Variants in BIK observed in about 807,000 individuals in gnomAD.
BIK encodes BCL2 interacting killer, also known as bcl-2-interacting killer.
In BIK, 14 loss-of-function variants were observed where a neutral mutation model predicts 12.1. The ratio of observed to expected loss-of-function variants is 1.16; its 90% CI spans 0.77 to 1.81. BIK has a LOEUF of 1.81. Ranked by LOEUF, BIK falls within the 40% of genes most tolerant of loss-of-function variation. BIK has a pLI of 0.00. For missense variants in BIK, 215 were observed against 207.9 expected (o/e 1.03, Z -0.21); for synonymous variants, 86 against 92.3 (o/e 0.93, Z 0.39).
intron 1 of BIK, among the ~76,000 whole-genome samples, chr22:43,113,712 C>T (rs1366857784): frequency 6.6e-6 from 1 of 152,210 alleles, no homozygotes; most frequent in Non-Finnish European, 1.5e-5. Flanking sequence ...GACACCACTG[C>T]TGGTGGTATT....
intron 1 of BIK, among the ~76,000 whole-genome samples, chr22:43,121,203 C>T (rs1265876109): frequency 6.6e-6 from 1 of 152,052 alleles, no homozygotes; most frequent in African/African-American, 2.4e-5. Context: ...AACAAAAAAA[C>T]ACTACCACCA....
chr22:43,129,578 T>C lies in BIK; in HGVS notation c.*273T>C, dbSNP rs1930399837. Reference sequence around the variant, plus strand: ...GTGCCCAGGAAGAGCCATTCACTCCTGCCCCTGCCCACACGGCAGGTAGCA... The same window carrying C: ...GTGCCCAGGAAGAGCCATTCACTCCCGCCCCTGCCCACACGGCAGGTAGCA... On this transcript the variant is annotated 3_prime_UTR_variant, in exon 5 of 5. Coordinates refer to ENST00000216115, the MANE Select transcript of BIK (RefSeq NM_001197.5). 7 of 524,548 alleles carry C rather than the reference T, an allele frequency of 1.3e-5. No individual in the cohort carries two copies. The highest frequency in any genetic ancestry group is 2.3e-5 in the Non-Finnish European group (7 of 304,572). 32.5% of individuals were successfully genotyped at this position (524,548 alleles called of 1,614,324 possible).
At chr22:43,120,654 G>T (rs1481756674) in intron 1 of BIK, among the ~76,000 whole-genome samples, 1 of 152,190 alleles carries the variant, frequency 6.6e-6, no homozygotes. Flanking sequence ...TGGTGGGGTG[G>T]CCAGGAGAGA....
intron 1 of BIK, among the ~76,000 whole-genome samples, chr22:43,118,185 C>G (rs776687866): frequency 6.6e-6 from 1 of 151,960 alleles, no homozygotes; most frequent in Non-Finnish European, 1.5e-5. Context: ...GGGATGCATC[C>G]CTAGAAATCA....
chr22:43,114,249 C>G (rs927167983), intron 1 of BIK, among the ~76,000 whole-genome samples: 1 of 152,108 alleles, frequency 6.6e-6, no homozygotes, highest in African/African-American at 2.4e-5. Context: ...GAAAAGCTCA[C>G]TTGTTTATTT....
intron 1 of BIK, among the ~76,000 whole-genome samples, chr22:43,114,396 G>A (rs777915708): frequency 3.9e-5 from 6 of 152,002 alleles, no homozygotes; most frequent in Non-Finnish European, 7.4e-5. Context: ...TCTGCCTCCC[G>A]GGTTCAGGTG....
chr22:43,116,059 GA>G (rs1930107774), intron 1 of BIK, among the ~76,000 whole-genome samples: 1 of 152,074 alleles, frequency 6.6e-6, no homozygotes, highest in South Asian at 2.1e-4. Context: ...CCCCGGCCCA[GA>G]ACTTGTTTTA....
In BIK at chr22:43,129,610, G is replaced by A. The variant is rs886365447; in HGVS notation, c.*305G>A. On this transcript the variant is annotated 3_prime_UTR_variant, in exon 5 of 5. Coordinates refer to ENST00000216115, the MANE Select transcript of BIK (RefSeq NM_001197.5). ...GCCCACACGGCAGGTAGCAGGGGGA[G>A]TGCTGGTCACACCCCTGTGTGATAT... 3.0e-5 allele frequency: 14 copies of A among 462,802 alleles called. No homozygotes were observed. Among genetic ancestry groups the A allele is most frequent in the South Asian group, 5.3e-5 (2 of 37,944 alleles). The allele number at this position is 462,802 out of a possible 1,614,324, so 28.7% of individuals were successfully genotyped here.
intron 3 of BIK, 117 bp downstream of exon 3, chr22:43,127,912 G>GAA: frequency 2.3e-6 from 2 of 872,226 alleles, no homozygotes; most frequent in Non-Finnish European, 3.2e-6. Flanking sequence ...GATGTGCCTT[G>GAA]ACACTGGGGC....
At chr22:43,127,320 G>A (rs1165106021) in intron 2 of BIK, among the ~76,000 whole-genome samples, 1 of 151,976 alleles carries the variant, frequency 6.6e-6, no homozygotes, top group Non-Finnish European at 1.5e-5. Flanking sequence ...GCCATCCGGG[G>A]GACTCAGCAC....
chr22:43,123,868 TG>T, intron 1 of BIK, 147 bp from the exon 2 acceptor site: 1 of 762,136 alleles, frequency 1.3e-6, no homozygotes, highest in Non-Finnish European at 2.0e-6. Context: ...TTCATGCCTG[TG>T]GGAGCTGGGG....
intron 1 of BIK, among the ~76,000 whole-genome samples, chr22:43,120,023 A>C (rs1191018068): frequency 6.7e-6 from 1 of 149,196 alleles, no homozygotes; most frequent in African/African-American, 2.5e-5. Context: ...AGGCGTAGGC[A>C]TGGGCCGGTC....
intron 1 of BIK, among the ~76,000 whole-genome samples, chr22:43,121,250 C>G (rs1396405835): frequency 2.0e-5 from 3 of 152,160 alleles, no homozygotes; most frequent in African/African-American, 7.2e-5. Context: ...GAGGCTGGTG[C>G]AGGAAGGGTT....
chr22:43,117,587 C>G (rs926341215), intron 1 of BIK, among the ~76,000 whole-genome samples: 5 of 151,498 alleles, frequency 3.3e-5, no homozygotes, highest in Non-Finnish European at 7.4e-5. Flanking sequence ...AGCCAGGATG[C>G]TCTCCATCTC....
intron 1 of BIK, among the ~76,000 whole-genome samples, chr22:43,113,413 C>A (rs192241061): frequency 1.3e-4 from 20 of 151,996 alleles, no homozygotes; most frequent in Middle Eastern, 3.4e-3. Context: ...AAGATTCTTA[C>A]ACATTTGACT....
At chr22:43,128,208 G>T (rs370086532) in intron 3 of BIK, among the ~76,000 whole-genome samples, 2 of 152,108 alleles carry the variant, frequency 1.3e-5, no homozygotes, top group South Asian at 2.1e-4. Context: ...TAGAATGGGG[G>T]TTTATTTTCC....
rs756855144 is a variant in BIK, at chr22:43,129,283, G to A, written c.461G>A (p.Gly154Asp). ...CTGCTGCTGCCGCTGCTCAGCGGGG[G>A]CCTGCACCTGCTGCTCAAGTGAGGC... ...LALLLPLLSG[G>D]LHLLLK Residue 154 changes from glycine to aspartate, a missense_variant, in exon 5 of 5, where the codon GGC (glycine) becomes GAC (aspartate). By Grantham distance (94) the Gly-to-Asp change is moderately conservative. Coordinates refer to ENST00000216115, the MANE Select transcript of BIK (RefSeq NM_001197.5). 2.2e-5 allele frequency: 36 copies of A among 1,600,044 alleles called. No individual in the cohort carries two copies. Among genetic ancestry groups the A allele is most frequent in the Non-Finnish European group, 2.8e-5 (33 of 1,179,130 alleles).
At position 43,122,563 on chromosome 22, in the gene BIK, G is replaced by T. The variant is rs541502558; in HGVS notation, c.-7-1453G>T. The stretch of plus-strand genomic sequence containing the variant: ...GTCATTATCGTCATCTACATCTAAG[G>T]CTGTTTGGTACCCTGTAGGGTAAAT... On this transcript the variant is annotated intron_variant, in intron 1 of 4. Coordinates refer to ENST00000216115, the MANE Select transcript of BIK (RefSeq NM_001197.5). Among the ~76,000 whole-genome samples the T allele has an allele frequency of 2.6e-4, 39 of 152,258 alleles. No homozygotes were observed. In the South Asian group the frequency reaches 7.7e-3, roughly 30 times the overall value.
chr22:43,125,804 T>A (rs1285769329), intron 2 of BIK, among the ~76,000 whole-genome samples: 1 of 152,114 alleles, frequency 6.6e-6, no homozygotes, highest in Non-Finnish European at 1.5e-5. Context: ...GGCCATGCAG[T>A]TCCTGGTCCC....
Sources: allele counts gnomAD v4.1 joint callset (sites outside exome capture counted in the v4.1 genomes callset), GRCh38; gene constraint gnomAD v4.1.1; transcripts MANE v1.5; gene names NCBI Gene and HGNC (gene_info 2026-07-23, HGNC 2026-07-21).